SORCS3: variants seen among roughly 807,000 people sequenced by gnomAD.
SORCS3 encodes the protein VPS10 domain-containing receptor SorCS3.
SORCS3 carries 57 observed loss-of-function variants against 146.3 expected under a neutral mutation model. The observed-to-expected ratio is 0.39, with a 90% CI of 0.31 to 0.49. SORCS3 has a LOEUF of 0.49. Ranked by LOEUF, SORCS3 falls within the 20% of genes least tolerant of loss-of-function variation. The pLI, the probability that SORCS3 is intolerant of heterozygous loss-of-function variation, is 0.92. For synonymous variants in SORCS3, 653 were observed against 618.5 expected (o/e 1.06, Z -0.83); for missense variants, 1,341 against 1,575.5 (o/e 0.85, Z 2.52).
chr10:104,826,095 C>T (rs1309349662), intron 1 of SORCS3, among the ~76,000 whole-genome samples: 3 of 152,150 alleles, frequency 2.0e-5, no homozygotes, highest in Non-Finnish European at 4.4e-5. Flanking sequence ...GGTGCTGACT[C>T]CTGCCTCTTC....
At position 104,977,373 on chromosome 10, in the gene SORCS3, A is replaced by G. The variant is rs1177079807; in HGVS notation, c.834A>G (p.Ile278Met). Residue 278 changes from isoleucine (I) to methionine (M), a missense_variant, in exon 4 of 27, where the codon ATA becomes ATG. Transcript: ENST00000369701. ...LLSDPEMESS[I>M]LISSDEGATY... ...GTGATCCTGAGATGGAGAGCAGCAT[A>G]TTGATCAGCTCAGACGAAGGGGCGA... 2 of 1,613,648 alleles carry G rather than the reference A, an allele frequency of 1.2e-6. No individual in the cohort carries two copies. The highest frequency in any genetic ancestry group is 1.7e-6 in the Non-Finnish European group (2 of 1,179,784).
chr10:105,033,363 C>T (rs2055283222), intron 4 of SORCS3, among the ~76,000 whole-genome samples: 1 of 152,204 alleles, frequency 6.6e-6, no homozygotes, highest in South Asian at 2.1e-4. Context: ...TCCAGCTCTA[C>T]AGCTGACTAG....
intron 1 of SORCS3, among the ~76,000 whole-genome samples, chr10:104,645,475 C>T (rs1319447905): frequency 6.6e-6 from 1 of 152,216 alleles, no homozygotes; most frequent in African/African-American, 2.4e-5. Context: ...ATGGGGCCCC[C>T]ATTCCTGGTG....
At chr10:105,033,629 A>T (rs2055285490) in intron 4 of SORCS3, among the ~76,000 whole-genome samples, 1 of 152,182 alleles carries the variant, frequency 6.6e-6, no homozygotes, top group South Asian at 2.1e-4. Flanking sequence ...TGATGTTTGG[A>T]TGAGTTACAT....
chr10:104,768,176 G>C (rs1229392327), intron 1 of SORCS3, among the ~76,000 whole-genome samples: 1 of 152,184 alleles, frequency 6.6e-6, no homozygotes, highest in African/African-American at 2.4e-5. Context: ...AGCTTCTTGA[G>C]CTCCAAAGTA....
intron 4 of SORCS3, among the ~76,000 whole-genome samples, chr10:105,023,083 CTG>C (rs2055207444): frequency 6.6e-6 from 1 of 152,190 alleles, no homozygotes; most frequent in Non-Finnish European, 1.5e-5. Flanking sequence ...GGCTCACCTT[CTG>C]ATAGGAGAAT....
At chr10:105,255,842 T>A (rs1319361959) in intron 24 of SORCS3, 41 bp downstream of exon 24, 1 of 1,465,720 alleles carries the variant, frequency 6.8e-7, no homozygotes, top group Non-Finnish European at 9.5e-7. Flanking sequence ...AAAGAGGATC[T>A]GTTATCCCAG....
chr10:104,871,606 A>G (rs1424428030), intron 2 of SORCS3, among the ~76,000 whole-genome samples: 1 of 152,164 alleles, frequency 6.6e-6, no homozygotes, highest in Non-Finnish European at 1.5e-5. Context: ...TTTCTTATGG[A>G]GAGTAATTAT....
At chr10:104,875,408 C>T (rs1418745588) in intron 2 of SORCS3, among the ~76,000 whole-genome samples, 1 of 152,118 alleles carries the variant, frequency 6.6e-6, no homozygotes, top group Non-Finnish European at 1.5e-5. Flanking sequence ...AGTTACTTGT[C>T]TTAGCTTCAA....
intron 25 of SORCS3, among the ~76,000 whole-genome samples, chr10:105,258,524 A>AC (rs2056943474): frequency 6.6e-6 from 1 of 152,236 alleles, no homozygotes; most frequent in Admixed American, 6.5e-5. Context: ...GTTGCTGAGG[A>AC]CAAGGGCCAA....
At chr10:104,729,114 T>G (rs891708187) in intron 1 of SORCS3, among the ~76,000 whole-genome samples, 3 of 152,198 alleles carry the variant, frequency 2.0e-5, no homozygotes, top group African/African-American at 7.2e-5. Context: ...AGGCAAAAGA[T>G]TCTATAATAG....
chr10:104,779,729 C>G (rs2017351243), intron 1 of SORCS3, among the ~76,000 whole-genome samples: 1 of 152,132 alleles, frequency 6.6e-6, no homozygotes, highest in Non-Finnish European at 1.5e-5. Context: ...GCTTCTGCTG[C>G]TGATCAACAT....
At position 105,003,998 on chromosome 10, in the gene SORCS3, C is replaced by CTTTTTTTTTTTTTTTTTTTTTTTTT. The variant is rs35604992; in HGVS notation, c.954+26506_954+26507insTTTTTTTTTTTTTTTTTTTTTTTTT. On this transcript the variant is annotated intron_variant, in intron 4 of 26. Coordinates refer to ENST00000369701, the MANE Select transcript of SORCS3 (RefSeq NM_014978.3). ...TTCCCCTCCTTTTTTTCTCTTCTCT[C>CTTTTTTTTTTTTTTTTTTTTTTTTT]TCTTTTTTTTTTTTTTACCAGAGAA... Among the ~76,000 whole-genome samples the CTTTTTTTTTTTTTTTTTTTTTTTTT allele has an allele frequency of 7.9e-4, 108 of 136,002 alleles. 7 individuals are homozygous for CTTTTTTTTTTTTTTTTTTTTTTTTT. The highest frequency in any genetic ancestry group is 1.2e-3 in the Non-Finnish European group (78 of 64,322). The allele number at this position is 136,002 out of a possible 152,430, so 89.2% of individuals were successfully genotyped here.
chr10:104,882,357 TCTC>T (rs1403057939), intron 2 of SORCS3, among the ~76,000 whole-genome samples: 1 of 152,168 alleles, frequency 6.6e-6, no homozygotes, highest in Non-Finnish European at 1.5e-5. Flanking sequence ...TCAAAAGAAA[TCTC>T]CTGGCTTCAG....
At chr10:105,042,170 C>A (rs766014346) in intron 4 of SORCS3, among the ~76,000 whole-genome samples, 18 of 152,126 alleles carry the variant, frequency 1.2e-4, no homozygotes, top group Non-Finnish European at 1.6e-4. Context: ...TAGAGACATG[C>A]CAACCAGCAA....
At chr10:105,156,508 A>G (rs1490247260) in intron 9 of SORCS3, among the ~76,000 whole-genome samples, 1 of 152,188 alleles carries the variant, frequency 6.6e-6, no homozygotes, top group African/African-American at 2.4e-5. Context: ...TGCTTTGCAT[A>G]GTCTCATGGA....
At chr10:104,840,278 A>G (rs928383976) in intron 1 of SORCS3, among the ~76,000 whole-genome samples, 2 of 152,212 alleles carry the variant, frequency 1.3e-5, no homozygotes, top group Admixed American at 1.3e-4. Context: ...GTCTTTGCTC[A>G]TGATGCTTCC....
At chr10:104,765,808 A>G (rs950883848) in intron 1 of SORCS3, among the ~76,000 whole-genome samples, 2 of 152,210 alleles carry the variant, frequency 1.3e-5, no homozygotes, top group African/African-American at 2.4e-5. Context: ...TATTTCACAG[A>G]TGAGGAAACT....
chr10:104,796,180 C>G (rs770619759), intron 1 of SORCS3, among the ~76,000 whole-genome samples: 1 of 152,208 alleles, frequency 6.6e-6, no homozygotes, highest in Non-Finnish European at 1.5e-5. Context: ...TAGGTAGGGC[C>G]TGGGAGTTCC....
Sources: gnomAD v4.1 joint callset for allele counts (sites outside exome capture counted in the v4.1 genomes callset) on GRCh38, gnomAD v4.1.1 for gene constraint, MANE v1.5 for transcripts, NCBI Gene and HGNC (gene_info 2026-07-23, HGNC 2026-07-21) for gene names.